PRG4: variants seen among roughly 807,000 people sequenced by gnomAD.
PRG4 encodes proteoglycan 4.
In PRG4, 61 loss-of-function variants were observed where a neutral mutation model predicts 91.2. The observed-to-expected ratio is 0.67, with a 90% CI of 0.54 to 0.83. The LOEUF (loss-of-function observed/expected upper bound fraction) is 0.83. Ranked by LOEUF, PRG4 falls within the 40% of genes least tolerant of loss-of-function variation. The pLI is 0.00. For missense variants in PRG4, 1,564 were observed against 1,714.2 expected (o/e 0.91, Z 1.55); for synonymous variants, 576 against 614.2 (o/e 0.94, Z 0.92).
chr1:186,301,456 A>G (rs1373139004), intron 3 of PRG4, 136 bp from the exon 4 acceptor site: 8 of 1,260,956 alleles, frequency 6.3e-6, no homozygotes, highest in Non-Finnish European at 9.0e-6. Flanking sequence ...TGGATGATGT[A>G]CTCCAAATTT....
chr1:186,309,973 G>A, intron 8 of PRG4, 103 bp downstream of exon 8: 1 of 883,194 alleles, frequency 1.1e-6, no homozygotes. Flanking sequence ...TTCTGGAGGG[G>A]AATCTGATTG....
Position 186,308,375 on chromosome 1 carries a change from C to A in PRG4, c.2656C>A (p.Pro886Thr), listed in dbSNP as rs1656901931. ...STPELSAEPTPKALENSPKEP... is the reference protein window; with the variant it reads ...STPELSAEPTTKALENSPKEP... ...TCCTGAGCTTTCTGCAGAACCCACA[C>A]CAAAAGCTCTTGAAAACAGTCCCAA... Residue 886 changes from proline (P) to threonine (T), a missense_variant, in exon 7 of 13, where the codon CCA becomes ACA. Pro to Thr is a conservative substitution (Grantham distance 38, BLOSUM62 -1). Around this residue, in one of 3 missense-constraint regions of PRG4, gnomAD observed 1,079 missense variants for 1,162.2 expected, o/e 0.93. Coordinates refer to ENST00000445192, the MANE Select transcript of PRG4 (RefSeq NM_005807.6). 11 of 1,613,916 alleles carry A rather than the reference C, an allele frequency of 6.8e-6. No homozygotes were observed. The highest frequency in any genetic ancestry group is 8.5e-6 in the Non-Finnish European group (10 of 1,180,040).
At chr1:186,306,209 C>T in intron 6 of PRG4, 109 bp from the exon 7 acceptor site, 1 of 873,230 alleles carries the variant, frequency 1.1e-6, no homozygotes, top group Non-Finnish European at 1.7e-6. Context: ...TAGAGATTAG[C>T]AATTTGCTTA....
At position 186,312,848 on chromosome 1, in the gene PRG4, C is replaced by T. The variant is rs1657378110; in HGVS notation, c.4071C>T (p.Pro1357=). 3 of 1,612,496 alleles carry T rather than the reference C, an allele frequency of 1.9e-6. No homozygotes were observed. The highest frequency in any genetic ancestry group is 1.7e-6 in the Non-Finnish European group (2 of 1,178,574). ...PNVVTSAISL[P]NIRKPDGYDY... ...TGGTTACCTCAGCTATATCACTGCC[C>T]AACATCAGAAAACCTGACGGCTATG... Residue 1357 remains proline (P), a synonymous_variant, in exon 12 of 13, where the codon CCC becomes CCT. Coordinates refer to ENST00000445192, the MANE Select transcript of PRG4 (RefSeq NM_005807.6).
intron 2 of PRG4, among the ~76,000 whole-genome samples, chr1:186,298,894 TACATAC>T (rs2102007923): frequency 1.3e-5 from 2 of 152,178 alleles, no homozygotes; most frequent in South Asian, 4.1e-4. Flanking sequence ...TGTATTTATA[TACATAC>T]ACTATATATA....
At position 186,309,065 on chromosome 1, in the gene PRG4, C is replaced by T. The variant is rs771937521; in HGVS notation, c.3346C>T (p.Pro1116Ser). 6.2e-7 allele frequency: 1 copy of T among 1,613,978 alleles called. No individual in the cohort carries two copies. The highest frequency in any genetic ancestry group is 8.5e-7 in the Non-Finnish European group (1 of 1,179,906). Reference protein sequence around the residue: ...HMLLRPHVFMPEVTPDMDYLP... With the variant: ...HMLLRPHVFMSEVTPDMDYLP... ...GCTTCTCAGGCCCCATGTGTTCATG[C>T]CTGAAGTTACTCCCGACATGGATTA... The change falls in exon 7 of 13, where the codon CCT becomes TCT. Residue 1116 changes from proline (P) to serine (S), a missense_variant. Physicochemically the swap from Pro to Ser is moderately conservative, Grantham distance 74 (BLOSUM62 -1). Transcript: ENST00000445192.
rs1657501196 is a variant in PRG4, at chr1:186,314,253, C to A, written c.*475C>A. The A allele has an allele frequency of 4.2e-6, 2 of 476,398 alleles. No homozygotes were observed. The highest frequency in any genetic ancestry group is 7.3e-6 in the Non-Finnish European group (2 of 272,508). The allele number at this position is 476,398 out of a possible 1,614,324, so 29.5% of individuals were successfully genotyped here. On this transcript the variant is annotated 3_prime_UTR_variant, in exon 13 of 13. Coordinates refer to ENST00000445192, the MANE Select transcript of PRG4 (RefSeq NM_005807.6). ...AAAACATGGAAATATTAAAATTTTA[C>A]ACTTTTACTAGCTAAAACATAATCA...
chr1:186,308,728 A>C lies in PRG4; in HGVS notation c.3009A>C (p.Glu1003Asp). The C allele has an allele frequency of 6.2e-7, 1 of 1,613,990 alleles. No individual in the cohort carries two copies. Among genetic ancestry groups the C allele is most frequent in the African/African-American group, 1.3e-5 (1 of 75,060 alleles). Residue 1003 changes from glutamate to aspartate, a missense_variant, in exon 7 of 13, where the codon GAA becomes GAC. Glu to Asp is a conservative substitution (Grantham distance 45). This residue lies in a region of PRG4 where 1,079 missense variants were observed against 1,162.2 expected (regional missense o/e 0.93). Coordinates refer to ENST00000445192, the MANE Select transcript of PRG4 (RefSeq NM_005807.6). ...CTGAGATTATGAACAAACCTGAAGA[A>C]ACAGCTAAACCAAAAGACAGAGCTA... ...TTTEIMNKPEETAKPKDRATN... is the reference protein window; with the variant it reads ...TTTEIMNKPEDTAKPKDRATN...
At chr1:186,303,849 G>A (rs925266550) in intron 4 of PRG4, among the ~76,000 whole-genome samples, 11 of 152,246 alleles carry the variant, frequency 7.2e-5, no homozygotes, top group African/African-American at 2.4e-4. Context: ...GTAGAGGCTC[G>A]CAGGCCTAGG....
Position 186,304,191 on chromosome 1 carries a change from C to T in PRG4, c.403C>T (p.Arg135Cys), listed in dbSNP as rs138361454. The T allele has an allele frequency of 4.3e-5, 70 of 1,613,580 alleles. No individual in the cohort carries two copies. Among genetic ancestry groups the T allele is most frequent in the Non-Finnish European group, 4.0e-5 (47 of 1,179,618 alleles). Residue 135 changes from arginine (R) to cysteine (C), a missense_variant, in exon 5 of 13, where the codon CGT becomes TGT. By Grantham distance (180) the Arg-to-Cys change is radical. This residue lies in a region of PRG4 where 437 missense variants were observed against 459.0 expected (regional missense o/e 0.95). Transcript: ENST00000445192. ...ASQTIKSTTK[R>C]SPKPPNKKKT... ...TCAAACCATCAAATCAACAACCAAA[C>T]GTTCACCCAAACCACCAAACAAGAA...
Position 186,311,018 on chromosome 1 carries a change from T to C in PRG4, c.3500-16T>C. 10 of 1,613,990 alleles carry C rather than the reference T, an allele frequency of 6.2e-6. No homozygotes were observed. The highest frequency in any genetic ancestry group is 8.5e-6 in the Non-Finnish European group (10 of 1,179,892). ...AGCATTCAGCTTGTAGGCTGATGTC[T>C]TTCCTTAAATTTTAGGTCATTATTT... On this transcript the variant is annotated splice_polypyrimidine_tract_variant and intron_variant, in intron 8 of 12. Coordinates refer to ENST00000445192, the MANE Select transcript of PRG4 (RefSeq NM_005807.6).
chr1:186,310,565 C>T (rs1420040405), intron 8 of PRG4, among the ~76,000 whole-genome samples: 1 of 152,122 alleles, frequency 6.6e-6, no homozygotes, highest in East Asian at 1.9e-4. Flanking sequence ...TCAATGCAGG[C>T]TCGATCTCCT....
chr1:186,309,647 A>AT, intron 7 of PRG4, 146 bp from the exon 8 acceptor site: 1 of 667,816 alleles, frequency 1.5e-6, no homozygotes, highest in East Asian at 2.8e-5. Context: ...TATCAAGTAT[A>AT]TAACTATGCA....
chr1:186,296,797 A>T, intron 1 of PRG4, 49 bp from the exon 2 acceptor site: 1 of 949,810 alleles, frequency 1.1e-6, no homozygotes, highest in Non-Finnish European at 1.7e-6. Context: ...AGCCTAAGTT[A>T]GTGGTGAGAT....
Position 186,308,069 on chromosome 1 carries a change from A to G in PRG4, c.2350A>G (p.Thr784Ala). 1.2e-6 allele frequency: 2 copies of G among 1,610,060 alleles called. No individual in the cohort carries two copies. Among genetic ancestry groups the G allele is most frequent in the South Asian group, 1.1e-5 (1 of 90,974 alleles). ...APTTPKGTAP[T>A]TLKEPAPTTP... ...AACTACCCCTAAGGGGACTGCTCCA[A>G]CTACCCTCAAGGAACCTGCACCCAC... Residue 784 changes from threonine to alanine, a missense_variant, in exon 7 of 13, where the codon ACT becomes GCT. Physicochemically the swap from Thr to Ala is moderately conservative, Grantham distance 58 (BLOSUM62 0). Around this residue, in one of 3 missense-constraint regions of PRG4, gnomAD observed 1,079 missense variants for 1,162.2 expected, o/e 0.93. Transcript: ENST00000445192.
Position 186,300,474 on chromosome 1 carries a change from C to T in PRG4, c.199+261C>T, listed in dbSNP as rs1656136060. 6.6e-5 allele frequency among the ~76,000 whole-genome samples: 10 copies of T among 152,258 alleles called. No homozygotes were observed. In the South Asian group the frequency reaches 2.1e-3, roughly 32 times the overall value. On this transcript the variant is annotated intron_variant, in intron 3 of 12. Transcript: ENST00000445192. The stretch of plus-strand genomic sequence containing the variant: ...GGAGCCTGGAAGTCTGTCACTTGCA[C>T]AAGGTTATTGTCTAGTTCCAAGTAA...
At position 186,308,991 on chromosome 1, in the gene PRG4, A is replaced by G; in HGVS notation, c.3272A>G (p.Asn1091Ser). 6 of 1,609,304 alleles carry G rather than the reference A, an allele frequency of 3.7e-6. No individual in the cohort carries two copies. The highest frequency in any genetic ancestry group is 5.1e-6 in the Non-Finnish European group (6 of 1,177,468). The change falls in exon 7 of 13, where the codon AAT (asparagine) becomes AGT (serine). Residue 1091 changes from asparagine (N) to serine (S), a missense_variant. By Grantham distance (46) the Asn-to-Ser change is conservative. Around this residue, in one of 3 missense-constraint regions of PRG4, gnomAD observed 1,079 missense variants for 1,162.2 expected, o/e 0.93. Coordinates refer to ENST00000445192, the MANE Select transcript of PRG4 (RefSeq NM_005807.6). ...CCAAACTCCAAACTAGTTGAAGTAA[A>G]TCCAAAGAGTGAAGATGCAGGTGGT... ...QTPNSKLVEV[N>S]PKSEDAGGAE... is the part of the protein sequence containing the mutation.
Position 186,313,871 on chromosome 1 carries a change from G to C in PRG4, c.*93G>C. The C allele has an allele frequency of 6.9e-7, 1 of 1,458,452 alleles. No individual in the cohort carries two copies. Among genetic ancestry groups the C allele is most frequent in the Non-Finnish European group, 9.6e-7 (1 of 1,040,450 alleles). The allele number at this position is 1,458,452 out of a possible 1,614,324, so 90.3% of individuals were successfully genotyped here. ...TTATTAATAAAGAATATTGACATGA[G>C]TATACCAGTTTATATATAAAAATGT... On this transcript the variant is annotated 3_prime_UTR_variant, in exon 13 of 13. Coordinates refer to ENST00000445192, the MANE Select transcript of PRG4 (RefSeq NM_005807.6).
intron 2 of PRG4, 21 bp from the exon 3 acceptor site, chr1:186,300,070 G>T (rs373403325): frequency 6.2e-7 from 1 of 1,613,626 alleles, no homozygotes; most frequent in Non-Finnish European, 8.5e-7. Flanking sequence ...CCATATTTAC[G>T]CCAGTATTGT....
Sources: allele counts gnomAD v4.1 joint callset (sites outside exome capture counted in the v4.1 genomes callset), GRCh38; gene constraint gnomAD v4.1.1; regional missense constraint gnomAD v4.1.1; transcripts MANE v1.5; gene names NCBI Gene and HGNC (gene_info 2026-07-23, HGNC 2026-07-21).